Variants in PCDHGA7 observed in about 807,000 individuals in gnomAD.
The protein encoded by PCDHGA7 is protocadherin gamma subfamily A, 7, also known as protocadherin gamma-A7.
In PCDHGA7, 44 loss-of-function variants were observed where a neutral mutation model predicts 58.3. The observed-to-expected ratio is 0.75, with a 90% CI of 0.59 to 0.97. The LOEUF (loss-of-function observed/expected upper bound fraction) is 0.97, where lower values mean the gene tolerates loss of function less well. Ranked by LOEUF, PCDHGA7 falls within the 50% of genes least tolerant of loss-of-function variation. The pLI is 0.00. For missense variants in PCDHGA7, 1,266 were observed against 1,188.7 expected, an observed-to-expected ratio of 1.06 and a Z score of -0.96; for synonymous variants, 516 against 504.2, an observed-to-expected ratio of 1.02 and a Z score of -0.31.
chr5:141,421,513 C>G lies in PCDHGA7; in HGVS notation c.2424+36190C>G, dbSNP rs368199651. ...GGCAGGCAGGATAGACCGGGAGGAG[C>G]TCTGTGAGACGGTGTCCTCCTGTTT... On this transcript the variant is annotated intron_variant, in intron 1 of 3. Coordinates refer to ENST00000518325, the MANE Select transcript of PCDHGA7 (RefSeq NM_018920.4). 61 of 1,614,078 alleles carry G rather than the reference C, an allele frequency of 3.8e-5. No individual in the cohort carries two copies. The African/African-American group carries it at 7.5e-4, about 20-fold the overall frequency.
rs1554116873 is a variant in PCDHGA7 at position 141,423,758 on chromosome 5, G to GT, written c.2424+38435_2424+38436insT. On this transcript the variant is annotated intron_variant, in intron 1 of 3. Coordinates refer to ENST00000518325, the MANE Select transcript of PCDHGA7 (RefSeq NM_018920.4). Reference sequence around the variant, plus strand: ...CTGTTATGAAAACTGTTTGGGGGGGGGGTGGGGCGGCATATATTTAGTTCA... The same window carrying GT: ...CTGTTATGAAAACTGTTTGGGGGGGGTGGTGGGGCGGCATATATTTAGTTCA... 14 of 366,842 alleles carry GT rather than the reference G, an allele frequency of 3.8e-5. 1 individual carries two copies. The highest frequency in any genetic ancestry group is 5.4e-5 in the Non-Finnish European group (14 of 259,742). The allele number at this position is 366,842 out of a possible 1,614,324, so 22.7% of individuals were successfully genotyped here. A position where few individuals can be genotyped will look rare whatever the true frequency, so the allele number is the denominator to read the frequency against.
rs551220443 is a variant in PCDHGA7, at chr5:141,432,206, G to A, written c.2424+46883G>A. On this transcript the variant is annotated intron_variant, in intron 1 of 3. Transcript: ENST00000518325. The surrounding 1 kb of genome is among the most constrained non-coding windows in gnomAD (Gnocchi z 6.0). ...GACCGCCCACGACCCCGACTGTGAA[G>A]AGAACGCCCAGATCACTTATTCCCT... The A allele has an allele frequency of 6.2e-7, 1 of 1,614,096 alleles. No individual in the cohort carries two copies. Among genetic ancestry groups the A allele is most frequent in the Non-Finnish European group, 8.5e-7 (1 of 1,180,042 alleles).
chr5:141,503,912 AAC>A lies in PCDHGA7; in HGVS notation c.2484-1471_2484-1470del, dbSNP rs34419983. Among the ~76,000 whole-genome samples, 284 of 152,278 alleles carry A rather than the reference AAC, an allele frequency of 1.9e-3. 1 individual carries two copies. The highest frequency in any genetic ancestry group is 0.014 in the Middle Eastern group (4 of 292). Reference sequence around the variant, plus strand: ...GACAAAATATGCACACACACAACGCAACACACACACAGACATTTTCATGCCTT... The same window carrying A: ...GACAAAATATGCACACACACAACGCAACACACACAGACATTTTCATGCCTT... On this transcript the variant is annotated intron_variant, in intron 2 of 3. Coordinates refer to ENST00000518325, the MANE Select transcript of PCDHGA7 (RefSeq NM_018920.4).
At chr5:141,413,020 C>T in intron 1 of PCDHGA7, 1 of 693,768 alleles carries the variant, frequency 1.4e-6, no homozygotes, top group Non-Finnish European at 2.3e-6. Context: ...CTACACAAGC[C>T]CCACAAACCG....
chr5:141,467,055 CTTTT>C (rs1193465269), intron 1 of PCDHGA7, among the ~76,000 whole-genome samples: 5 of 134,484 alleles, frequency 3.7e-5, no homozygotes, highest in Non-Finnish European at 4.9e-5. Context: ...TCAATGTTTT[CTTTT>C]TTTTTTTTTT....
intron 1 of PCDHGA7, chr5:141,399,606 G>A: frequency 1.2e-6 from 2 of 1,613,956 alleles, no homozygotes; most frequent in Non-Finnish European, 1.7e-6. Context: ...GCGACCTAGA[G>A]CCTCTGGCAC....
At chr5:141,459,236 G>A (rs1248794102) in intron 1 of PCDHGA7, among the ~76,000 whole-genome samples, 2 of 152,176 alleles carry the variant, frequency 1.3e-5, no homozygotes, top group African/African-American at 2.4e-5. Context: ...CAACTGGTCT[G>A]CTTCCTGTCA....
rs1414722237 is a variant in PCDHGA7 at position 141,432,748 on chromosome 5, C to T, written c.2424+47425C>T. On this transcript the variant is annotated intron_variant, in intron 1 of 3. Coordinates refer to ENST00000518325, the MANE Select transcript of PCDHGA7 (RefSeq NM_018920.4). The surrounding 1 kb of genome is among the most constrained non-coding windows in gnomAD (Gnocchi z 6.0). ...CCGCCACTGTCACGCTCACCGTGGC[C>T]GTGGCCGACAGCATCCCCCAAGTCC... 1 of 1,614,120 alleles carries T rather than the reference C, an allele frequency of 6.2e-7. No homozygotes were observed. The highest frequency in any genetic ancestry group is 8.5e-7 in the Non-Finnish European group (1 of 1,179,980).
At position 141,485,709 on chromosome 5, in the gene PCDHGA7, C is replaced by A. The variant is rs2099618118; in HGVS notation, c.2425-9098C>A. On this transcript the variant is annotated intron_variant, in intron 1 of 3. Transcript: ENST00000518325. This position sits in a 1 kb window ranked among gnomAD's most constrained non-coding sequence, Gnocchi z 5.7. ...AGGCTGAGCTCCAATGAACACTTTGCACTGGATGTGAAGAAGCGCAGCGAC... is the reference window on the plus strand; with the variant it reads ...AGGCTGAGCTCCAATGAACACTTTGAACTGGATGTGAAGAAGCGCAGCGAC... The A allele has an allele frequency of 1.2e-6, 2 of 1,614,128 alleles. No homozygotes were observed. The highest frequency in any genetic ancestry group is 1.7e-6 in the Non-Finnish European group (2 of 1,180,028).
chr5:141,407,158 G>A (rs2094893881), intron 1 of PCDHGA7, among the ~76,000 whole-genome samples: 1 of 152,166 alleles, frequency 6.6e-6, no homozygotes, highest in African/African-American at 2.4e-5. Flanking sequence ...AAGTGTCTGG[G>A]AATCCTTTAT....
chr5:141,399,036 G>A, intron 1 of PCDHGA7: 1 of 1,613,800 alleles, frequency 6.2e-7, no homozygotes, highest in African/African-American at 1.3e-5. Context: ...AAAAGAAACT[G>A]GATTTTGAAG....
Position 141,430,658 on chromosome 5 carries a change from G to A in PCDHGA7, c.2424+45335G>A, listed in dbSNP as rs1350572230. ...CCTGGGAGTATGTGGAAACAACGGA[G>A]GAGCTCTGACTTCCCAACTGTCCCA... On this transcript the variant is annotated intron_variant, in intron 1 of 3. Coordinates refer to ENST00000518325, the MANE Select transcript of PCDHGA7 (RefSeq NM_018920.4). The A allele has an allele frequency of 7.2e-6, 8 of 1,105,688 alleles. No individual in the cohort carries two copies. The African/African-American group carries it at 9.5e-5, about 13-fold the overall frequency. The allele number at this position is 1,105,688 out of a possible 1,614,324, so 68.5% of individuals were successfully genotyped here. A position where few individuals can be genotyped will look rare whatever the true frequency, so the allele number is the denominator to read the frequency against.
At position 141,486,923 on chromosome 5, in the gene PCDHGA7, G is replaced by A. The variant is rs1377159895; in HGVS notation, c.2425-7884G>A. ...ATGTCCCCAAGCACTGCCTCCATCAGTTGGTGCTGGCCACCTAATCACAAA... is the reference window on the plus strand; with the variant it reads ...ATGTCCCCAAGCACTGCCTCCATCAATTGGTGCTGGCCACCTAATCACAAA... On this transcript the variant is annotated intron_variant, in intron 1 of 3. Transcript: ENST00000518325. This position sits in a 1 kb window ranked among gnomAD's most constrained non-coding sequence, Gnocchi z 5.0. 6.2e-7 allele frequency: 1 copy of A among 1,614,252 alleles called. No individual in the cohort carries two copies. Among genetic ancestry groups the A allele is most frequent in the Admixed American group, 1.7e-5 (1 of 60,028 alleles).
At chr5:141,502,818 C>T (rs1209481886) in intron 2 of PCDHGA7, among the ~76,000 whole-genome samples, 1 of 150,836 alleles carries the variant, frequency 6.6e-6, no homozygotes, top group Non-Finnish European at 1.5e-5. Context: ...ACTGTCTTTT[C>T]CTTGGGGAAG....
At chr5:141,394,150 A>G in intron 1 of PCDHGA7, 3 of 1,613,916 alleles carry the variant, frequency 1.9e-6, no homozygotes, top group East Asian at 2.2e-5. Context: ...GCAGACATTA[A>G]CGACAACCCT....
intron 3 of PCDHGA7, among the ~76,000 whole-genome samples, chr5:141,508,738 A>C (rs1596171196): frequency 7.1e-5 from 10 of 141,304 alleles, no homozygotes; most frequent in Admixed American, 1.4e-4. Context: ...TACACCCCCC[A>C]CCCCGCTCTT....
rs145484670 is a variant in PCDHGA7 at position 141,469,912 on chromosome 5, C to T, written c.2425-24895C>T. Among the ~76,000 whole-genome samples, 674 of 152,288 alleles carry T rather than the reference C, an allele frequency of 4.4e-3. 6 individuals are homozygous for T. The highest frequency in any genetic ancestry group is 0.015 in the African/African-American group (642 of 41,562). On this transcript the variant is annotated intron_variant, in intron 1 of 3. Transcript: ENST00000518325. ...TTGGGAAGCCGAGGCAGGCAGACCA[C>T]CCGAGGTCAGGAGTTTGAGACCAGC...
At chr5:141,403,546 C>A (rs62378450) in intron 1 of PCDHGA7, 1 of 1,613,984 alleles carries the variant, frequency 6.2e-7, no homozygotes, top group South Asian at 1.1e-5. Flanking sequence ...TGCTGGAGCG[C>A]GCCCTGGACA....
rs1232672788 is a variant in PCDHGA7, at chr5:141,431,315, G to A, written c.2424+45992G>A. The A allele has an allele frequency of 6.2e-7, 1 of 1,614,080 alleles. No individual in the cohort carries two copies. Among genetic ancestry groups the A allele is most frequent in the South Asian group, 1.1e-5 (1 of 91,078 alleles). On this transcript the variant is annotated intron_variant, in intron 1 of 3. Coordinates refer to ENST00000518325, the MANE Select transcript of PCDHGA7 (RefSeq NM_018920.4). The surrounding 1 kb of genome is among the most constrained non-coding windows in gnomAD (Gnocchi z 4.8). ...CTTCTCCCTCATCGTGCAAAATGGAGCCGACGGTAGTAAGTACCCCGAATT... is the reference window on the plus strand; with the variant it reads ...CTTCTCCCTCATCGTGCAAAATGGAACCGACGGTAGTAAGTACCCCGAATT...
Sources: allele counts gnomAD v4.1 joint callset (sites outside exome capture counted in the v4.1 genomes callset), GRCh38; gene constraint gnomAD v4.1.1; non-coding constraint Gnocchi (gnomAD v3.1); transcripts MANE v1.5; gene names NCBI Gene and HGNC (gene_info 2026-07-23, HGNC 2026-07-21).